The following CRIP3 variants were observed in gnomAD, a reference collection of about 807,000 sequenced individuals.
CRIP3 encodes cysteine rich protein 3, also known as cysteine-rich protein 3.
A neutral mutation model predicts 30.3 loss-of-function variants in CRIP3; 23 were observed. The ratio of observed to expected loss-of-function variants is 0.76; its 90% CI spans 0.55 to 1.08. CRIP3 has a LOEUF of 1.08. CRIP3 is among the 50% of genes least tolerant of loss of function. The pLI is 0.00. For missense variants in CRIP3, 261 were observed against 259.3 expected, an observed-to-expected ratio of 1.01 and a Z score of -0.04; for synonymous variants, 89 against 97.6, an observed-to-expected ratio of 0.91 and a Z score of 0.52.
Position 43,306,271 on chromosome 6 carries a change from C to T in CRIP3, c.443G>A (p.Cys148Tyr). ...CTTGTGGCAACGCTGGCACCTCAGA[C>T]ACGGTCGGTGCCAATTTCTGCCTAA... Reference protein sequence around the residue: ...MSLGRNWHRPCLRCQRCHKTL... With the variant: ...MSLGRNWHRPYLRCQRCHKTL... Residue 148 changes from cysteine to tyrosine, a missense_variant, in exon 6 of 8, where the codon TGT (cysteine) becomes TAT (tyrosine). Transcript: ENST00000372569. The T allele has an allele frequency of 6.2e-7, 1 of 1,614,210 alleles. No homozygotes were observed.
At chr6:43,307,555 G>A (rs1334209535) in intron 4 of CRIP3, 57 bp downstream of exon 4, 18 of 1,375,634 alleles carry the variant, frequency 1.3e-5, no homozygotes, top group Non-Finnish European at 1.7e-5. Flanking sequence ...CCCAACCTCC[G>A]CTCCAGCTTG....
At position 43,307,717 on chromosome 6, in the gene CRIP3, A is replaced by G. The variant is rs1448800536; in HGVS notation, c.223T>C (p.Tyr75His). 1 of 1,574,760 alleles carries G rather than the reference A, an allele frequency of 6.4e-7. No individual in the cohort carries two copies. Among genetic ancestry groups the G allele is most frequent in the East Asian group, 2.3e-5 (1 of 43,560 alleles). Residue 75 changes from tyrosine to histidine, a missense_variant, in exon 4 of 8, where the codon TAC (tyrosine) becomes CAC (histidine). Tyr to His is a moderately conservative substitution (Grantham distance 83). Transcript: ENST00000372569. Reference protein sequence around the residue: ...RGVNIGGVGSYLYNPPTPSPG... With the variant: ...RGVNIGGVGSHLYNPPTPSPG... ...CTGGGAGTGGGGGGATTGTACAAGT[A>G]GGAGCCTACACCACCAATGTTCACC...
At position 43,308,374 on chromosome 6, in the gene CRIP3, G is replaced by A. The variant is rs750659466; in HGVS notation, c.79C>T (p.Arg27Cys). ...CAGCGCTCACATTTCAGGCAGAAGC[G>A]GTGCCAGTTCTTGCCCAGGGAGCTC... is the stretch of plus-strand genomic sequence containing the variant. ...KVSSLGKNWH[R>C]FCLKCERCHS... Residue 27 changes from arginine to cysteine, a missense_variant, in exon 2 of 8, where the codon CGC becomes TGC. Physicochemically the swap from Arg to Cys is radical, Grantham distance 180. Transcript: ENST00000372569. 1.9e-6 allele frequency: 3 copies of A among 1,612,758 alleles called. No individual in the cohort carries two copies. The highest frequency in any genetic ancestry group is 1.7e-6 in the Non-Finnish European group (2 of 1,179,672).
chr6:43,306,708 G>A (rs1778942261), intron 4 of CRIP3, 191 bp from the exon 5 acceptor site: 1 of 575,348 alleles, frequency 1.7e-6, no homozygotes, highest in Admixed American at 3.4e-5. Context: ...ATCCCTATGT[G>A]TATTAGGGAC....
At position 43,305,539 on chromosome 6, in the gene CRIP3, C is replaced by A. The variant is rs77672196; in HGVS notation, c.*275G>T. On this transcript the variant is annotated 3_prime_UTR_variant, in exon 8 of 8. Coordinates refer to ENST00000372569, the MANE Select transcript of CRIP3 (RefSeq NM_206922.3). ...TCAATAAACACAAGTTTTATGAGTA[C>A]CTTGAAGCTCCAGAATGTGCTGGGG... 5.2e-3 allele frequency: 2,666 copies of A among 513,418 alleles called. 11 individuals carry two copies. The highest frequency in any genetic ancestry group is 7.3e-3 in the Non-Finnish European group (2,110 of 288,580). 31.8% of individuals were successfully genotyped at this position (513,418 alleles called of 1,614,324 possible).
At chr6:43,307,585 A>C in intron 4 of CRIP3, 27 bp downstream of exon 4, 2 of 1,428,162 alleles carry the variant, frequency 1.4e-6, no homozygotes, top group Non-Finnish European at 1.8e-6. Flanking sequence ...CGGGAGGAGG[A>C]CTGGGAGGAG....
At chr6:43,307,563 T>A (rs774898490) in intron 4 of CRIP3, 49 bp downstream of exon 4, 5 of 1,378,076 alleles carry the variant, frequency 3.6e-6, no homozygotes, top group African/African-American at 2.9e-5. Context: ...CCGCTCCAGC[T>A]TGGGGAAGGG....
At position 43,307,744 on chromosome 6, in the gene CRIP3, C is replaced by T. The variant is rs774058253; in HGVS notation, c.197-1G>A. 8 of 1,599,888 alleles carry T rather than the reference C, an allele frequency of 5.0e-6. No individual in the cohort carries two copies. In the Admixed American group the frequency reaches 5.1e-5, roughly 10 times the overall value. Reference sequence around the variant, plus strand: ...GAGCCTACACCACCAATGTTCACCCCTGAAGAGAGAATAGGGGAGGTCAGG... The same window carrying T: ...GAGCCTACACCACCAATGTTCACCCTTGAAGAGAGAATAGGGGAGGTCAGG... On this transcript the variant is annotated splice_acceptor_variant, in intron 3 of 7. Coordinates refer to ENST00000372569, the MANE Select transcript of CRIP3 (RefSeq NM_206922.3). LOFTEE classifies it high-confidence loss of function.
In CRIP3 at chr6:43,308,742, G is replaced by A. The variant is rs1328160293; in HGVS notation, c.43+8C>T. On this transcript the variant is annotated splice_region_variant and intron_variant, in intron 1 of 7. Coordinates refer to ENST00000372569, the MANE Select transcript of CRIP3 (RefSeq NM_206922.3). ...CCATCTTCTCCCCCTCCGCAGCCCG[G>A]GCCTCACCGAAGAAAACAGGTTGCT... 5 of 1,613,934 alleles carry A rather than the reference G, an allele frequency of 3.1e-6. No individual in the cohort carries two copies. The highest frequency in any genetic ancestry group is 3.4e-6 in the Non-Finnish European group (4 of 1,180,004).
chr6:43,307,941 G>T, intron 2 of CRIP3, 45 bp from the exon 3 acceptor site: 1 of 1,605,420 alleles, frequency 6.2e-7, no homozygotes, highest in Non-Finnish European at 8.5e-7. Flanking sequence ...GCCAGCGGGA[G>T]CCATGCCCCA....
rs768633761 is a variant in CRIP3 at position 43,305,846 on chromosome 6, T to C, written c.583A>G (p.Ile195Val). Residue 195 changes from isoleucine to valine, a missense_variant, in exon 8 of 8, where the codon ATC becomes GTC. By Grantham distance (29) the Ile-to-Val change is conservative (BLOSUM62 3). Coordinates refer to ENST00000372569, the MANE Select transcript of CRIP3 (RefSeq NM_206922.3). ...GVNIGDVGCY[I>V]YDPVKIKFK ...AATTTTATCTTCACTGGGTCATAGA[T>C]GTAGCAGCCCACATCGCCAATGTTC... is the stretch of plus-strand genomic sequence containing the variant. The C allele has an allele frequency of 2.5e-6, 4 of 1,614,138 alleles. No individual in the cohort carries two copies. The highest frequency in any genetic ancestry group is 2.2e-5 in the South Asian group (2 of 91,080).
In CRIP3 at chr6:43,305,670, C is replaced by G; in HGVS notation, c.*144G>C. On this transcript the variant is annotated 3_prime_UTR_variant, in exon 8 of 8. Coordinates refer to ENST00000372569, the MANE Select transcript of CRIP3 (RefSeq NM_206922.3). ...AATTGGCAGAGAAAGTCTAGACTCT[C>G]TGGCCTACCATGGAGCCTAGGCCCA... 1 of 1,021,110 alleles carries G rather than the reference C, an allele frequency of 9.8e-7. No homozygotes were observed. Among genetic ancestry groups the G allele is most frequent in the Non-Finnish European group, 1.5e-6 (1 of 668,996 alleles). 63.3% of individuals were successfully genotyped at this position (1,021,110 alleles called of 1,614,324 possible).
In CRIP3 at chr6:43,308,353, G is replaced by A. The variant is rs1264091002; in HGVS notation, c.100C>T (p.Arg34Cys). The stretch of plus-strand genomic sequence containing the variant: ...CCAGGGGACAGGATGCTGTGGCAGC[G>A]CTCACATTTCAGGCAGAAGCGGTGC... The part of the protein sequence containing the change: ...NWHRFCLKCE[R>C]CHSILSPGGH... The change falls in exon 2 of 8, where the codon CGC becomes TGC. Residue 34 changes from arginine (R) to cysteine (C), a missense_variant. Coordinates refer to ENST00000372569, the MANE Select transcript of CRIP3 (RefSeq NM_206922.3). 3.1e-6 allele frequency: 5 copies of A among 1,612,348 alleles called. No individual in the cohort carries two copies. Among genetic ancestry groups the A allele is most frequent in the Non-Finnish European group, 4.2e-6 (5 of 1,179,566 alleles).
At position 43,305,839 on chromosome 6, in the gene CRIP3, T is replaced by C; in HGVS notation, c.590A>G (p.Asp197Gly). The change falls in exon 8 of 8, where the codon GAC becomes GGC. Residue 197 changes from aspartate to glycine, a missense_variant. By Grantham distance (94) the Asp-to-Gly change is moderately conservative. Coordinates refer to ENST00000372569, the MANE Select transcript of CRIP3 (RefSeq NM_206922.3). ...NIGDVGCYIY[D>G]PVKIKFK ...TCATTTGAATTTTATCTTCACTGGG[T>C]CATAGATGTAGCAGCCCACATCGCC... is the stretch of plus-strand genomic sequence containing the variant. 1 of 1,614,064 alleles carries C rather than the reference T, an allele frequency of 6.2e-7. No individual in the cohort carries two copies. The highest frequency in any genetic ancestry group is 8.5e-7 in the Non-Finnish European group (1 of 1,180,012).
In CRIP3 at chr6:43,306,338, G is replaced by A. The variant is rs778423494; in HGVS notation, c.401-25C>T. 3 of 1,612,716 alleles carry A rather than the reference G, an allele frequency of 1.9e-6. No homozygotes were observed. In the African/African-American group the frequency reaches 4.0e-5, roughly 22 times the overall value. On this transcript the variant is annotated intron_variant, in intron 5 of 7. Transcript: ENST00000372569. The stretch of plus-strand genomic sequence containing the variant: ...GCTGGTGGTGGAAAGAAGTGGTAAT[G>A]CTTCCATTCTAGGGGTAGAGTAGGG...
intron 4 of CRIP3, 165 bp downstream of exon 4, chr6:43,307,444 AAAG>A: frequency 1.7e-6 from 1 of 593,756 alleles, no homozygotes; most frequent in Non-Finnish European, 2.6e-6. Context: ...GAATAGAAAG[AAAG>A]AAAGAAAAAA....
chr6:43,307,462 C>T (rs1214481638), intron 4 of CRIP3, 150 bp downstream of exon 4: 12 of 689,902 alleles, frequency 1.7e-5, no homozygotes, highest in African/African-American at 3.7e-5. Context: ...AAAAAAAAAG[C>T]GGGGAGTAGA....
At chr6:43,308,288 G>A in intron 2 of CRIP3, 27 bp downstream of exon 2, 1 of 1,572,108 alleles carries the variant, frequency 6.4e-7, no homozygotes, top group African/African-American at 1.4e-5. Flanking sequence ...GATGTAAACA[G>A]GGCAGTGCTC....
chr6:43,308,231 C>A, intron 2 of CRIP3, 84 bp downstream of exon 2: 1 of 1,246,848 alleles, frequency 8.0e-7, no homozygotes, highest in Non-Finnish European at 1.1e-6. Flanking sequence ...TTTGGCAGGC[C>A]TCCAGTGCTG....
Sources: allele counts gnomAD v4.1 joint callset, GRCh38; gene constraint gnomAD v4.1.1; transcripts MANE v1.5; gene names NCBI Gene and HGNC (gene_info 2026-07-23, HGNC 2026-07-21).